Variants in PCNT observed in about 807,000 individuals in gnomAD.
PCNT encodes pericentrin, also known as kendrin.
PCNT carries 319 observed loss-of-function variants against 380.4 expected under a neutral mutation model. The ratio of observed to expected loss-of-function variants is 0.84; its 90% CI spans 0.77 to 0.92. The LOEUF (loss-of-function observed/expected upper bound fraction) is 0.92. Ranked by LOEUF, PCNT falls within the 40% of genes least tolerant of loss-of-function variation. The pLI, the probability that PCNT is intolerant of heterozygous loss-of-function variation, is 0.00. For missense variants in PCNT, 4,400 were observed against 4,255.3 expected (o/e 1.03, Z -0.95); for synonymous variants, 1,845 against 1,735.2 (o/e 1.06, Z -1.57).
At chr21:46,407,340 C>CTTTTTTTTTTTTTTTT (rs899881614) in intron 27 of PCNT, among the ~76,000 whole-genome samples, 2 of 106,434 alleles carry the variant, frequency 1.9e-5, no homozygotes, top group East Asian at 2.7e-4. Context: ...TATACTTTCT[C>CTTTTTTTTTTTTTTTT]TTTTTTTTTT....
chr21:46,444,551 C>T lies in PCNT; in HGVS notation c.9840-143C>T, dbSNP rs551129462. The T allele has an allele frequency of 1.2e-3, 938 of 775,484 alleles. 2 individuals carry two copies. Among genetic ancestry groups the T allele is most frequent in the Admixed American group, 2.7e-3 (110 of 40,296 alleles). The allele number at this position is 775,484 out of a possible 1,614,324, so 48.0% of individuals were successfully genotyped here. On this transcript the variant is annotated intron_variant, in intron 45 of 46. Coordinates refer to ENST00000359568, the MANE Select transcript of PCNT (RefSeq NM_006031.6). The stretch of plus-strand genomic sequence containing the variant: ...TTTGTAATGAGGGATCTGAAGGAAA[C>T]GGCCCCAGAGTCACCCATCCCCACG...
intron 12 of PCNT, 29 bp from the exon 13 acceptor site, chr21:46,356,945 A>C (rs769149423): frequency 6.2e-7 from 1 of 1,604,602 alleles, no homozygotes; most frequent in Admixed American, 1.7e-5. Flanking sequence ...CACCGGCCTG[A>C]CTGTCTTCCC....
intron 20 of PCNT, 32 bp downstream of exon 20, chr21:46,390,864 G>A: frequency 6.3e-7 from 1 of 1,596,672 alleles, no homozygotes; most frequent in Non-Finnish European, 8.5e-7. Context: ...GGCACCTGGA[G>A]CACAGGCACG....
In PCNT at chr21:46,428,582, G is replaced by T. The variant is rs761765918; in HGVS notation, c.7682G>T (p.Arg2561Leu). 2.8e-5 allele frequency: 44 copies of T among 1,597,538 alleles called. No individual in the cohort carries two copies. The African/African-American group carries it at 4.3e-4, about 16-fold the overall frequency. The change falls in exon 35 of 47, where the codon CGC (arginine) becomes CTC (leucine). Residue 2561 changes from arginine to leucine, a missense_variant. Physicochemically the swap from Arg to Leu is moderately radical, Grantham distance 102. Transcript: ENST00000359568. ...ARGSQQEHQLRRQVELLAYKV... is the reference protein window; with the variant it reads ...ARGSQQEHQLLRQVELLAYKV... ...GGGAGCCAGCAGGAGCACCAGCTGC[G>T]CAGGCAGGGTGGGTGTCACTGTCTA...
intron 35 of PCNT, 111 bp downstream of exon 35, chr21:46,428,701 A>G: frequency 1.0e-6 from 1 of 968,168 alleles, no homozygotes; most frequent in Non-Finnish European, 1.6e-6. Flanking sequence ...CATCTAGTCA[A>G]GCCCCTGAGT....
rs183691508 is a variant in PCNT at position 46,366,808 on chromosome 21, G to A, written c.2834G>A (p.Arg945His). The stretch of plus-strand genomic sequence containing the variant: ...AAGCAGGGGGCTCTGCTGGCTGCAC[G>A]TGTGGCCGAACTGCAGACAAAACAC... ...ESKQGALLAA[R>H]VAELQTKHAA... The change falls in exon 15 of 47, where the codon CGT becomes CAT. Residue 945 changes from arginine to histidine, a missense_variant. By Grantham distance (29) the Arg-to-His change is conservative. Transcript: ENST00000359568. 4.5e-5 allele frequency: 72 copies of A among 1,613,812 alleles called. No individual in the cohort carries two copies. Among genetic ancestry groups the A allele is most frequent in the Non-Finnish European group, 5.8e-5 (68 of 1,180,032 alleles).
In PCNT at chr21:46,366,975, CTG is replaced by C. The variant is rs1442263821; in HGVS notation, c.3004_3005del (p.Trp1002GlufsTer55). 1.1e-5 allele frequency: 18 copies of C among 1,614,218 alleles called. No individual in the cohort carries two copies. The highest frequency in any genetic ancestry group is 1.3e-5 in the Non-Finnish European group (15 of 1,180,042). On this transcript the variant is annotated frameshift_variant, in exon 15 of 47. Transcript: ENST00000359568. LOFTEE classifies it high-confidence loss of function. ...ELLRADFEEQ[L>X]WKKDSLHQTI... The stretch of plus-strand genomic sequence containing the variant: ...CTTACGAGCAGACTTTGAGGAACAA[CTG>C]TGGAAAAAGGACTCTCTTCACCAAA...
In PCNT at chr21:46,391,218, G is replaced by T; in HGVS notation, c.4058G>T (p.Gly1353Val). The change falls in exon 21 of 47, where the codon GGG (glycine) becomes GTG (valine). Residue 1353 changes from glycine (G) to valine (V), a missense_variant. By Grantham distance (109) the Gly-to-Val change is moderately radical. Transcript: ENST00000359568. ...ETADLKEVLA[G>V]KEDSEHRLVL... ...GCAGATCTGAAGGAGGTGCTGGCCG[G>T]GAAGGAGGATTCCGAGCACCGTCTG... The T allele has an allele frequency of 6.2e-7, 1 of 1,609,740 alleles. No individual in the cohort carries two copies.
chr21:46,383,022 G>A lies in PCNT; in HGVS notation c.3312+1182G>A, dbSNP rs566709069. Among the ~76,000 whole-genome samples the A allele has an allele frequency of 1.5e-3, 218 of 141,984 alleles. 17 individuals carry two copies. Among genetic ancestry groups the A allele is most frequent in the Non-Finnish European group, 2.3e-3 (155 of 66,340 alleles). The allele number at this position is 141,984 out of a possible 152,430, so 93.1% of individuals were successfully genotyped here. On this transcript the variant is annotated intron_variant, in intron 16 of 46. Transcript: ENST00000359568. Reference sequence around the variant, plus strand: ...TTCACGGTGTTGTGCATTCAGTGGCGGAAGCCCATTCACAGTGCTGCGCAT... The same window carrying A: ...TTCACGGTGTTGTGCATTCAGTGGCAGAAGCCCATTCACAGTGCTGCGCAT...
Position 46,427,783 on chromosome 21 carries a change from C to G in PCNT, c.7482C>G (p.Ile2494Met), listed in dbSNP as rs761313913. The change falls in exon 34 of 47, where the codon ATC (isoleucine) becomes ATG (methionine). Residue 2494 changes from isoleucine (I) to methionine (M), a missense_variant. Ile to Met is a conservative substitution (Grantham distance 10). Transcript: ENST00000359568. ...HSSLLERLEKIIREQGDLQEK... is the reference protein window; with the variant it reads ...HSSLLERLEKMIREQGDLQEK... ...CCCTGCTCGAAAGGCTGGAGAAGAT[C>G]ATCCGTGAGCAGGTGAGTGTCAGCT... is the stretch of plus-strand genomic sequence containing the variant. The G allele has an allele frequency of 1.2e-6, 2 of 1,613,464 alleles. No individual in the cohort carries two copies. Among genetic ancestry groups the G allele is most frequent in the Admixed American group, 3.3e-5 (2 of 60,012 alleles).
At position 46,355,546 on chromosome 21, in the gene PCNT, A is replaced by G. The variant is rs190179445; in HGVS notation, c.1856A>G (p.His619Arg). 1.6e-5 allele frequency: 26 copies of G among 1,614,138 alleles called. No homozygotes were observed. The highest frequency in any genetic ancestry group is 1.3e-4 in the East Asian group (6 of 44,874). The change falls in exon 12 of 47, where the codon CAT (histidine) becomes CGT (arginine). Residue 619 changes from histidine to arginine, a missense_variant. By Grantham distance (29) the His-to-Arg change is conservative. Transcript: ENST00000359568. Reference protein sequence around the residue: ...ESPLCIQHEGHVSDRCCVETS... With the variant: ...ESPLCIQHEGRVSDRCCVETS... ...CCCCTCTGCATCCAGCACGAGGGGC[A>G]TGTCTCAGACAGATGCTGCGTAGAG... is the stretch of plus-strand genomic sequence containing the variant.
Position 46,443,881 on chromosome 21 carries a change from G to C in PCNT, c.9772G>C (p.Gly3258Arg). 6.2e-7 allele frequency: 1 copy of C among 1,613,082 alleles called. No individual in the cohort carries two copies. Among genetic ancestry groups the C allele is most frequent in the Non-Finnish European group, 8.5e-7 (1 of 1,179,990 alleles). ...CCCCCCAACCCGGGATGTACCCTCT[G>C]GCCACACCAGGGACCCTGCCAGAGG... ...ESPPTRDVPSGHTRDPARGRR... is the reference protein window; with the variant it reads ...ESPPTRDVPSRHTRDPARGRR... Residue 3258 changes from glycine to arginine, a missense_variant, in exon 45 of 47, where the codon GGC becomes CGC. Physicochemically the swap from Gly to Arg is moderately radical, Grantham distance 125 (BLOSUM62 -2). Coordinates refer to ENST00000359568, the MANE Select transcript of PCNT (RefSeq NM_006031.6).
Position 46,347,569 on chromosome 21 carries a change from G to A in PCNT, c.1032+57G>A, listed in dbSNP as rs993084572. The stretch of plus-strand genomic sequence containing the variant: ...CTGTGTATGTTGTTTTTCCTTTCTC[G>A]CCAGGTCCCATGAGAACGCTCCTCA... On this transcript the variant is annotated intron_variant, in intron 6 of 46. Coordinates refer to ENST00000359568, the MANE Select transcript of PCNT (RefSeq NM_006031.6). The A allele has an allele frequency of 7.1e-5, 109 of 1,536,870 alleles. No individual in the cohort carries two copies. The African/African-American group carries it at 1.1e-3, about 16-fold the overall frequency.
intron 25 of PCNT, among the ~76,000 whole-genome samples, 171 bp downstream of exon 25, chr21:46,399,967 C>A (rs980745974): frequency 3.3e-5 from 5 of 152,132 alleles, no homozygotes; most frequent in Non-Finnish European, 7.3e-5. Flanking sequence ...TGACGGGTAG[C>A]AAGAGTACTT....
intron 38 of PCNT, among the ~76,000 whole-genome samples, chr21:46,434,350 C>T (rs1344670426): frequency 6.6e-6 from 1 of 152,212 alleles, no homozygotes; most frequent in Non-Finnish European, 1.5e-5. Context: ...GTGGCAGGGG[C>T]GCTGGTGCCA....
rs138097697 is a variant in PCNT, at chr21:46,443,861, C to T, written c.9752C>T (p.Pro3251Leu). ...CCACCCAGAACCAGAGAGTCCCCCC[C>T]AACCCGGGATGTACCCTCTGGCCAC... Reference protein sequence around the residue: ...QSPPRTRESPPTRDVPSGHTR... With the variant: ...QSPPRTRESPLTRDVPSGHTR... The change falls in exon 45 of 47, where the codon CCA (proline) becomes CTA (leucine). Residue 3251 changes from proline to leucine, a missense_variant. Pro to Leu is a moderately conservative substitution (Grantham distance 98, BLOSUM62 -3). Coordinates refer to ENST00000359568, the MANE Select transcript of PCNT (RefSeq NM_006031.6). The T allele has an allele frequency of 3.0e-5, 49 of 1,613,298 alleles. No individual in the cohort carries two copies. The highest frequency in any genetic ancestry group is 3.3e-5 in the Admixed American group (2 of 60,012).
rs542296375 is a variant in PCNT, at chr21:46,324,406, C to T, written c.54+124C>T. 2.3e-4 allele frequency: 199 copies of T among 852,050 alleles called. 3 individuals are homozygous for T. The South Asian group carries it at 2.7e-3, about 12-fold the overall frequency. 52.8% of individuals were successfully genotyped at this position (852,050 alleles called of 1,614,324 possible). A position where few individuals can be genotyped will look rare whatever the true frequency, so the allele number is the denominator to read the frequency against. On this transcript the variant is annotated intron_variant, in intron 1 of 46. Transcript: ENST00000359568. ...GGCGGAAGCCGCCGCGGAGGTCTCG[C>T]TTTTTCCCGCCGGCTCCGCTGGAAG...
intron 29 of PCNT, 98 bp from the exon 30 acceptor site, chr21:46,415,971 G>T (rs1002461420): frequency 8.7e-7 from 1 of 1,148,692 alleles, no homozygotes; most frequent in Non-Finnish European, 1.3e-6. Flanking sequence ...TCACCCGAGT[G>T]CTCCGAAACT....
intron 3 of PCNT, among the ~76,000 whole-genome samples, chr21:46,340,435 T>A (rs2083881506): frequency 6.6e-6 from 1 of 152,234 alleles, no homozygotes; most frequent in Admixed American, 6.5e-5. Flanking sequence ...CTGTGTTATC[T>A]CCCATTTTTC....
Sources: gnomAD v4.1 joint callset for allele counts (sites outside exome capture counted in the v4.1 genomes callset) on GRCh38, gnomAD v4.1.1 for gene constraint, MANE v1.5 for transcripts, NCBI Gene and HGNC (gene_info 2026-07-23, HGNC 2026-07-21) for gene names.